Variants in ROBO2 observed in about 807,000 individuals in gnomAD.
ROBO2 encodes the protein roundabout guidance receptor 2, also known as roundabout homolog 2.
In ROBO2, 53 loss-of-function variants were observed where a neutral mutation model predicts 160.8. The ratio of observed to expected loss-of-function variants is 0.33; its 90% CI spans 0.26 to 0.41. The LOEUF is 0.41. Ranked by LOEUF, ROBO2 falls within the 10% of genes least tolerant of loss-of-function variation. The probability of loss-of-function intolerance (pLI) is 1.00; values close to 1 mark genes in which losing one functional copy is unlikely to be tolerated. For missense variants in ROBO2, 1,577 were observed against 1,722.4 expected, an observed-to-expected ratio of 0.92 and a Z score of 1.49; for synonymous variants, 664 against 611.7, an observed-to-expected ratio of 1.09 and a Z score of -1.26.
intron 2 of ROBO2, among the ~76,000 whole-genome samples, chr3:77,385,464 G>A (rs1214444790): frequency 2.0e-5 from 3 of 152,104 alleles, no homozygotes; most frequent in Admixed American, 6.5e-5. Flanking sequence ...CATTGTAATG[G>A]TACCCAAGCG....
intron 2 of ROBO2, among the ~76,000 whole-genome samples, chr3:77,133,863 T>A (rs2076060914): frequency 6.6e-6 from 1 of 152,222 alleles, no homozygotes; most frequent in African/African-American, 2.4e-5. Flanking sequence ...AGGAAATAAA[T>A]CTGATGATGC....
intron 24 of ROBO2, chr3:77,642,767 G>A: frequency 6.6e-6 from 3 of 456,706 alleles, no homozygotes; most frequent in South Asian, 4.6e-5. Context: ...TCAGCAGAGA[G>A]AAAAGGAAGC....
intron 2 of ROBO2, among the ~76,000 whole-genome samples, chr3:76,353,977 A>G (rs1216801953): frequency 1.3e-5 from 2 of 151,920 alleles, no homozygotes. Context: ...GAGACGAAGA[A>G]CAGTTAACTA....
chr3:76,698,310 A>C (rs1437630591), intron 2 of ROBO2, among the ~76,000 whole-genome samples: 1 of 152,212 alleles, frequency 6.6e-6, no homozygotes, highest in Non-Finnish European at 1.5e-5. Context: ...TTCCCTGGCA[A>C]AGTGTTAATG....
chr3:76,938,572 A>T (rs1357622820), intron 2 of ROBO2, among the ~76,000 whole-genome samples: 1 of 152,078 alleles, frequency 6.6e-6, no homozygotes, highest in African/African-American at 2.4e-5. Flanking sequence ...AGGCCAGCTC[A>T]TAGTGAGACC....
intron 2 of ROBO2, among the ~76,000 whole-genome samples, chr3:76,229,137 A>G (rs546512516): frequency 1.3e-5 from 2 of 152,344 alleles, no homozygotes; most frequent in Non-Finnish European, 2.9e-5. Flanking sequence ...CATTTGGAGA[A>G]AAGTATAAAT....
chr3:75,958,672 A>G lies in ROBO2; in HGVS notation c.109+21070A>G, dbSNP rs183900734. 1.9e-3 allele frequency among the ~76,000 whole-genome samples: 284 copies of G among 151,838 alleles called. 1 individual carries two copies. Among genetic ancestry groups the G allele is most frequent in the Admixed American group, 5.1e-3 (77 of 15,192 alleles). On this transcript the variant is annotated intron_variant, in intron 2 of 26. Transcript: ENST00000487694. ...GGGAGAGGAGGTAAAAGTAGGTAGG[A>G]TTTTATTATTATCAATGGGAAAATA...
chr3:76,406,954 C>T (rs530279173), intron 2 of ROBO2, among the ~76,000 whole-genome samples: 73 of 150,674 alleles, frequency 4.8e-4, no homozygotes, highest in Middle Eastern at 7.1e-3. Flanking sequence ...ATCCTACTCT[C>T]GCCTACAAAA....
intron 2 of ROBO2, among the ~76,000 whole-genome samples, chr3:77,103,719 C>A (rs1014637800): frequency 2.0e-5 from 3 of 152,024 alleles, no homozygotes; most frequent in Non-Finnish European, 4.4e-5. Context: ...TTACAGATTG[C>A]GAGAATAGCA....
At chr3:76,616,197 C>T (rs759052408) in intron 2 of ROBO2, among the ~76,000 whole-genome samples, 3 of 152,182 alleles carry the variant, frequency 2.0e-5, no homozygotes, top group Non-Finnish European at 4.4e-5. Flanking sequence ...TTTTAAAGCA[C>T]AATACCAGCA....
chr3:77,541,382 G>T (rs542258800), intron 6 of ROBO2, among the ~76,000 whole-genome samples: 2 of 152,270 alleles, frequency 1.3e-5, no homozygotes, highest in South Asian at 4.1e-4. Context: ...ACTCTCACCA[G>T]CAGGCATTAG....
In ROBO2 at chr3:76,491,275, A is replaced by G. The variant is rs556605173; in HGVS notation, c.109+553673A>G. On this transcript the variant is annotated intron_variant, in intron 2 of 26. Transcript: ENST00000487694. ...AAGATTAATTTTTTTAAAAAAAAGT[A>G]ATAGGCACCATCACATCAGCCGTAG... 2.6e-5 allele frequency among the ~76,000 whole-genome samples: 4 copies of G among 152,284 alleles called. No homozygotes were observed. The South Asian group carries it at 6.2e-4, about 24-fold the overall frequency.
intron 17 of ROBO2, among the ~76,000 whole-genome samples, chr3:77,589,964 A>T (rs2094141958): frequency 6.6e-6 from 1 of 152,224 alleles, no homozygotes; most frequent in African/African-American, 2.4e-5. Flanking sequence ...TTAGTAACTG[A>T]TTTTGACAGA....
intron 2 of ROBO2, among the ~76,000 whole-genome samples, chr3:76,092,383 T>C (rs1257388405): frequency 6.6e-6 from 1 of 152,236 alleles, no homozygotes; most frequent in Non-Finnish European, 1.5e-5. Context: ...ATGTCTGTTC[T>C]TGATTCTAAA....
At chr3:76,750,684 T>C (rs1379844280) in intron 2 of ROBO2, among the ~76,000 whole-genome samples, 1 of 151,966 alleles carries the variant, frequency 6.6e-6, no homozygotes. Flanking sequence ...ATGAGTGAAC[T>C]CCCATTCACA....
At chr3:77,442,360 A>G (rs1028733199) in intron 2 of ROBO2, among the ~76,000 whole-genome samples, 1 of 152,050 alleles carries the variant, frequency 6.6e-6, no homozygotes, top group African/African-American at 2.4e-5. Context: ...TGTTTGTTGC[A>G]TGATGCTATT....
At chr3:76,555,358 G>GGAGGAAGAGGAGGAAGAGGAAGAAGA (rs1201244951) in intron 2 of ROBO2, among the ~76,000 whole-genome samples, 5 of 57,982 alleles carry the variant, frequency 8.6e-5, no homozygotes, top group African/African-American at 2.6e-4. Flanking sequence ...AGTAGGAAGA[G>GGAGGAAGAGGAGGAAGAGGAAGAAGA]AGAAGAAGAA....
At chr3:77,076,569 C>A (rs2068031423) in intron 1 of ROBO2, among the ~76,000 whole-genome samples, 1 of 151,926 alleles carries the variant, frequency 6.6e-6, no homozygotes, top group African/African-American at 2.4e-5. Context: ...CTATGTCTCA[C>A]CAACCACCTA....
rs57475227 is a variant in ROBO2 at position 77,433,486 on chromosome 3, G to GTATATATATATATATATATATA, written c.389-43916_389-43895dup. Among the ~76,000 whole-genome samples the GTATATATATATATATATATATA allele has an allele frequency of 1.2e-3, 120 of 99,366 alleles. 3 individuals carry two copies. Among genetic ancestry groups the GTATATATATATATATATATATA allele is most frequent in the African/African-American group, 3.3e-3 (94 of 28,340 alleles). 65.2% of individuals were successfully genotyped at this position (99,366 alleles called of 152,430 possible). On this transcript the variant is annotated intron_variant, in intron 2 of 25. Coordinates refer to ENST00000461745, the Ensembl canonical transcript of ROBO2. ...GATTTTCCTTCTTCTCTGGCAACTT[G>GTATATATATATATATATATATA]TATATATATATATATATATATATAT...
Sources: allele counts gnomAD v4.1 joint callset (sites outside exome capture counted in the v4.1 genomes callset), GRCh38; gene constraint gnomAD v4.1.1; transcripts MANE v1.5; gene names NCBI Gene and HGNC (gene_info 2026-07-23, HGNC 2026-07-21).